ANKMY2: variants seen among roughly 807,000 people sequenced by gnomAD.
The protein encoded by ANKMY2 is ankyrin repeat and MYND domain-containing protein 2.
ANKMY2 carries 36 observed loss-of-function variants against 50.4 expected under a neutral mutation model. That is an observed-to-expected ratio of 0.71 (90% CI 0.55 to 0.94). The LOEUF is 0.94. Among genes scored for constraint, ANKMY2 ranks in the 40% least tolerant of loss-of-function variants. The pLI is 0.00. For missense variants in ANKMY2, 565 were observed against 524.0 expected (o/e 1.08, Z -0.76); for synonymous variants, 187 against 178.8 (o/e 1.05, Z -0.36).
chr7:16,612,023 T>A (rs1298030649), intron 5 of ANKMY2, among the ~76,000 whole-genome samples: 1 of 152,214 alleles, frequency 6.6e-6, no homozygotes, highest in Non-Finnish European at 1.5e-5. Flanking sequence ...TCCACCTGTC[T>A]AATTCTTCCT....
intron 4 of ANKMY2, among the ~76,000 whole-genome samples, chr7:16,624,159 C>T (rs1781478725): frequency 6.6e-6 from 1 of 152,088 alleles, no homozygotes; most frequent in Non-Finnish European, 1.5e-5. Flanking sequence ...ACCAAGACAC[C>T]TACAGTGATG....
chr7:16,644,763 C>G (rs1394906519), intron 1 of ANKMY2: 1 of 469,496 alleles, frequency 2.1e-6, no homozygotes. Flanking sequence ...GCTTCTGGCT[C>G]GTCCTCGGGG....
At chr7:16,636,302 C>CAAAAA (rs376207917) in intron 2 of ANKMY2, 89 bp downstream of exon 2, 93 of 214,436 alleles carry the variant, frequency 4.3e-4, no homozygotes, top group South Asian at 1.2e-3. Flanking sequence ...CACTCCATCT[C>CAAAAA]AAAAAAAAAA....
At chr7:16,643,825 C>T (rs928773493) in intron 1 of ANKMY2, among the ~76,000 whole-genome samples, 1 of 149,122 alleles carries the variant, frequency 6.7e-6, no homozygotes, top group Admixed American at 6.7e-5. Flanking sequence ...TCGAGAGCAG[C>T]CTGGGCAACA....
At chr7:16,605,456 T>C (rs988251188) in intron 7 of ANKMY2, among the ~76,000 whole-genome samples, 4 of 152,134 alleles carry the variant, frequency 2.6e-5, no homozygotes, top group African/African-American at 9.7e-5. Flanking sequence ...TTACTACTAG[T>C]GGGCAATGGA....
intron 4 of ANKMY2, among the ~76,000 whole-genome samples, chr7:16,620,217 AAG>A (rs1781413164): frequency 6.6e-6 from 1 of 152,206 alleles, no homozygotes; most frequent in South Asian, 2.1e-4. Context: ...AGAGGACAGT[AAG>A]AGAGTGAGTT....
intron 7 of ANKMY2, among the ~76,000 whole-genome samples, chr7:16,605,713 C>A (rs1368879749): frequency 7.3e-6 from 1 of 137,452 alleles, no homozygotes; most frequent in African/African-American, 2.8e-5. Context: ...GACGGAGCCT[C>A]GCTCTGTCGC....
intron 1 of ANKMY2, among the ~76,000 whole-genome samples, chr7:16,641,760 CATA>C (rs1482812315): frequency 1.3e-5 from 2 of 152,026 alleles, no homozygotes; most frequent in Non-Finnish European, 2.9e-5. Context: ...ACCCCAAAAT[CATA>C]ATGTTGAATG....
chr7:16,615,673 G>A (rs1781332828), intron 5 of ANKMY2, 71 bp downstream of exon 5: 14 of 1,585,934 alleles, frequency 8.8e-6, no homozygotes, highest in Non-Finnish European at 1.2e-5. Flanking sequence ...TTATGATCCT[G>A]TATAATAAAA....
chr7:16,614,887 T>C (rs1383016433), intron 5 of ANKMY2, among the ~76,000 whole-genome samples: 1 of 152,222 alleles, frequency 6.6e-6, no homozygotes. Context: ...TAGGACCTCA[T>C]CACTGTAGCA....
At chr7:16,618,651 G>C (rs1027681419) in intron 4 of ANKMY2, among the ~76,000 whole-genome samples, 108 of 152,220 alleles carry the variant, frequency 7.1e-4, no homozygotes, top group Non-Finnish European at 3.8e-4. Context: ...AACAGTAGCA[G>C]TCTATATTAA....
chr7:16,614,011 C>T (rs985555001), intron 5 of ANKMY2, among the ~76,000 whole-genome samples: 2 of 151,114 alleles, frequency 1.3e-5, no homozygotes, highest in Non-Finnish European at 2.9e-5. Flanking sequence ...CAGAAAAGTA[C>T]AGGGAACTTC....
intron 5 of ANKMY2, among the ~76,000 whole-genome samples, chr7:16,614,363 G>T (rs2128342985): frequency 6.6e-6 from 1 of 152,328 alleles, no homozygotes; most frequent in East Asian, 1.9e-4. Context: ...CACAAGTGTT[G>T]CCTCTGGCAG....
chr7:16,604,619 T>C (rs1781122606), intron 8 of ANKMY2, 102 bp downstream of exon 8: 1 of 1,437,326 alleles, frequency 7.0e-7, no homozygotes, highest in East Asian at 2.3e-5. Context: ...CTAGAATTTA[T>C]TAGAAAACTA....
chr7:16,626,756 A>G (rs1167273872), intron 3 of ANKMY2, among the ~76,000 whole-genome samples: 1 of 152,218 alleles, frequency 6.6e-6, no homozygotes, highest in Admixed American at 6.5e-5. Flanking sequence ...TAGAACATCA[A>G]AGGAGGTAAC....
At chr7:16,626,971 C>G in intron 3 of ANKMY2, 69 bp downstream of exon 3, 1 of 1,214,504 alleles carries the variant, frequency 8.2e-7, no homozygotes. Flanking sequence ...TGAATTTAAT[C>G]TTTTAGTATA....
chr7:16,642,507 G>C (rs1216147222), intron 1 of ANKMY2, among the ~76,000 whole-genome samples: 1 of 152,106 alleles, frequency 6.6e-6, no homozygotes, highest in Non-Finnish European at 1.5e-5. Context: ...GCAGTGGCTG[G>C]CAGATGGGAA....
rs1245335870 is a variant in ANKMY2 at position 16,645,753 on chromosome 7, T to TCGGGCGAGCC, written c.-181_-180insGGCTCGCCCG. ...GCGGGCTGGCGGACAGCGGGCGAGC[T>TCGGGCGAGCC]CGGGCGAGCCAGGCGGACGGTCTCC... On this transcript the variant is annotated 5_prime_UTR_variant, in exon 1 of 10. Transcript: ENST00000306999. 5 of 633,674 alleles carry TCGGGCGAGCC rather than the reference T, an allele frequency of 7.9e-6. No homozygotes were observed. In the East Asian group the frequency reaches 1.5e-4, roughly 18 times the overall value. The allele number at this position is 633,674 out of a possible 1,614,324, so 39.3% of individuals were successfully genotyped here. A position where few individuals can be genotyped will look rare whatever the true frequency, so the allele number is the denominator to read the frequency against.
chr7:16,606,115 C>A (rs1249687940), intron 7 of ANKMY2, among the ~76,000 whole-genome samples: 1 of 152,032 alleles, frequency 6.6e-6, no homozygotes, highest in Non-Finnish European at 1.5e-5. Flanking sequence ...CCGCGCCTGG[C>A]CTATAAACTT....
Sources: allele counts gnomAD v4.1 joint callset (sites outside exome capture counted in the v4.1 genomes callset), GRCh38; gene constraint gnomAD v4.1.1; transcripts MANE v1.5; gene names NCBI Gene and HGNC (gene_info 2026-07-23, HGNC 2026-07-21).